The following NRP1 variants were observed in gnomAD, a reference collection of about 807,000 sequenced individuals.
NRP1 encodes the protein neuropilin 1, also known as neuropilin-1.
NRP1 carries 35 observed loss-of-function variants against 106.7 expected under a neutral mutation model. That is an observed-to-expected ratio of 0.33 (90% CI 0.25 to 0.43). NRP1 has a LOEUF of 0.43. NRP1 is among the 20% of genes least tolerant of loss of function. The pLI is 1.00. For synonymous variants in NRP1, 437 were observed against 417.9 expected (o/e 1.05, Z -0.56); for missense variants, 1,024 against 1,170.4 (o/e 0.87, Z 1.83).
chr10:33,310,248 C>CTTTTT (rs35513274), intron 2 of NRP1, among the ~76,000 whole-genome samples: 3 of 80,160 alleles, frequency 3.7e-5, no homozygotes, highest in Admixed American at 1.9e-4. Context: ...TGCGCCCGGC[C>CTTTTT]TTTTTTTTTT....
intron 8 of NRP1, among the ~76,000 whole-genome samples, chr10:33,214,739 G>C (rs1588741521): frequency 6.6e-6 from 1 of 152,194 alleles, no homozygotes; most frequent in East Asian, 1.9e-4. Flanking sequence ...CCATGGATAG[G>C]AGTAGCCTAT....
At chr10:33,293,542 C>T (rs1845154598) in intron 2 of NRP1, among the ~76,000 whole-genome samples, 1 of 152,156 alleles carries the variant, frequency 6.6e-6, no homozygotes, top group African/African-American at 2.4e-5. Context: ...GGAAACAGAG[C>T]CCCCCGTAAG....
intron 2 of NRP1, among the ~76,000 whole-genome samples, chr10:33,289,418 T>C (rs2132616569): frequency 6.6e-6 from 1 of 152,250 alleles, no homozygotes; most frequent in East Asian, 1.9e-4. Flanking sequence ...ATATCAATCT[T>C]ATCTGTTTTA....
rs1287602436 is a variant in NRP1 at position 33,197,724 on chromosome 10, C to G, written c.1865-15G>C. ...AGTGGTGCCACCTGAAAAACAAAAA[C>G]AGGAACATGCAAAAATAAGAAAACA... is the stretch of plus-strand genomic sequence containing the variant. On this transcript the variant is annotated splice_polypyrimidine_tract_variant and intron_variant, in intron 11 of 16. Transcript: ENST00000374867. 3.2e-6 allele frequency: 5 copies of G among 1,543,412 alleles called. No homozygotes were observed. The South Asian group carries it at 5.8e-5, about 18-fold the overall frequency.
intron 2 of NRP1, among the ~76,000 whole-genome samples, chr10:33,276,796 G>T (rs2133343547): frequency 6.6e-6 from 1 of 152,228 alleles, no homozygotes; most frequent in South Asian, 2.1e-4. Context: ...TTTTCTGTGT[G>T]CTTAGAGCAT....
chr10:33,192,188 A>C (rs1463947488), intron 13 of NRP1, 93 bp downstream of exon 13: 5 of 1,393,760 alleles, frequency 3.6e-6, no homozygotes, highest in Non-Finnish European at 4.9e-6. Context: ...TACCCGCCCT[A>C]AATTCACAGA....
chr10:33,210,317 A>G (rs1476221011), intron 9 of NRP1, among the ~76,000 whole-genome samples: 1 of 152,120 alleles, frequency 6.6e-6, no homozygotes. Context: ...TATTGTCAGT[A>G]GGATACTAAT....
At chr10:33,186,857 CTTAT>C (rs201603765) in intron 13 of NRP1, among the ~76,000 whole-genome samples, 16 of 151,164 alleles carry the variant, frequency 1.1e-4, no homozygotes, top group Non-Finnish European at 1.9e-4. Context: ...TTAGAGAAAC[CTTAT>C]TTATTTATTT....
intron 8 of NRP1, among the ~76,000 whole-genome samples, chr10:33,220,563 C>T (rs1395542200): frequency 1.3e-5 from 2 of 152,106 alleles, no homozygotes; most frequent in Non-Finnish European, 2.9e-5. Context: ...TCTAATATGA[C>T]TGCTATATAC....
At chr10:33,321,799 T>G (rs1847531439) in intron 2 of NRP1, among the ~76,000 whole-genome samples, 1 of 152,186 alleles carries the variant, frequency 6.6e-6, no homozygotes, top group Non-Finnish European at 1.5e-5. Flanking sequence ...GAACTTGAAT[T>G]GAGAGACAGT....
At chr10:33,304,513 G>C (rs1846012521) in intron 2 of NRP1, among the ~76,000 whole-genome samples, 1 of 152,074 alleles carries the variant, frequency 6.6e-6, no homozygotes, top group African/African-American at 2.4e-5. Flanking sequence ...GACCTCACTG[G>C]TCTTCCCACT....
rs1444285109 is a variant in NRP1, at chr10:33,195,581, A to G, written c.1924+2069T>C. The G allele has an allele frequency of 5.6e-6, 3 of 533,294 alleles. No individual in the cohort carries two copies. In the Admixed American group the frequency reaches 5.8e-5, roughly 10 times the overall value. 33.0% of individuals were successfully genotyped at this position (533,294 alleles called of 1,614,324 possible). A position where few individuals can be genotyped will look rare whatever the true frequency, so the allele number is the denominator to read the frequency against. On this transcript the variant is annotated intron_variant, in intron 12 of 16. Transcript: ENST00000374867. ...GATGCTTGAAGAATCTGGAGCCTGCAGAACAGTGTGGATCAAAGTATCAGG... is the reference window on the plus strand; with the variant it reads ...GATGCTTGAAGAATCTGGAGCCTGCGGAACAGTGTGGATCAAAGTATCAGG...
intron 9 of NRP1, 25 bp downstream of exon 9, chr10:33,213,361 C>T (rs1838470018): frequency 1.2e-6 from 2 of 1,614,102 alleles, no homozygotes; most frequent in Admixed American, 1.7e-5. Context: ...TAAGGGATGA[C>T]CTCCTCCCAG....
rs993830962 is a variant in NRP1 at position 33,271,042 on chromosome 10, C to T, written c.249-186G>A. On this transcript the variant is annotated intron_variant, in intron 2 of 16. Transcript: ENST00000374867. ...AAAATGAAATAATTAAAATGGACTA[C>T]ATCATGTCTGTATACATCTGGCAAC... 4.6e-5 allele frequency among the ~76,000 whole-genome samples: 7 copies of T among 152,176 alleles called. No individual in the cohort carries two copies. In the East Asian group the frequency reaches 9.6e-4, roughly 21 times the overall value.
chr10:33,242,150 C>G (rs112807374), intron 6 of NRP1, among the ~76,000 whole-genome samples: 1,783 of 151,900 alleles, frequency 0.012, 29 homozygotes, highest in African/African-American at 0.04. Context: ...TTACTCCCCC[C>G]AGAAGACACA....
intron 10 of NRP1, among the ~76,000 whole-genome samples, chr10:33,203,264 C>G (rs140507813): frequency 6.6e-6 from 1 of 152,192 alleles, no homozygotes; most frequent in African/African-American, 2.4e-5. Flanking sequence ...ACATAAACAT[C>G]CTTCTTCTGA....
At chr10:33,306,001 T>A (rs1846131559) in intron 2 of NRP1, among the ~76,000 whole-genome samples, 1 of 152,050 alleles carries the variant, frequency 6.6e-6, no homozygotes, top group African/African-American at 2.4e-5. Flanking sequence ...ACTCCTCACC[T>A]CGTGATCTGC....
chr10:33,263,936 T>C, intron 3 of NRP1, 63 bp from the exon 4 acceptor site: 1 of 1,021,384 alleles, frequency 9.8e-7, no homozygotes, highest in South Asian at 1.4e-5. Context: ...CCCCAAGAAA[T>C]AACCTGGGTA....
At chr10:33,274,182 A>T (rs1843517385) in intron 2 of NRP1, among the ~76,000 whole-genome samples, 2 of 152,158 alleles carry the variant, frequency 1.3e-5, no homozygotes, top group Admixed American at 1.3e-4. Context: ...CCACAGTTTC[A>T]ACGTTAGGGT....
Sources: allele counts gnomAD v4.1 joint callset (sites outside exome capture counted in the v4.1 genomes callset), GRCh38; gene constraint gnomAD v4.1.1; transcripts MANE v1.5; gene names NCBI Gene and HGNC (gene_info 2026-07-23, HGNC 2026-07-21).